EGFR: variants seen among roughly 807,000 people sequenced by gnomAD.
EGFR encodes avian erythroblastic leukemia viral (v-erb-b) oncogene homolog.
In EGFR, 58 loss-of-function variants were observed where a neutral mutation model predicts 143.0. That is an observed-to-expected ratio of 0.41 (90% CI 0.33 to 0.50). The LOEUF (loss-of-function observed/expected upper bound fraction) is 0.50. Ranked by LOEUF, EGFR falls within the 20% of genes least tolerant of loss-of-function variation. EGFR has a pLI of 0.39. For missense variants in EGFR, 1,307 were observed against 1,579.0 expected (o/e 0.83, Z 2.92); for synonymous variants, 613 against 594.4 (o/e 1.03, Z -0.45).
intron 1 of EGFR, among the ~76,000 whole-genome samples, chr7:55,098,860 A>G (rs1562712608): frequency 6.6e-6 from 1 of 152,132 alleles, no homozygotes; most frequent in Non-Finnish European, 1.5e-5. Context: ...AAACCCTAAA[A>G]GGTGTCCAGT....
intron 27 of EGFR, among the ~76,000 whole-genome samples, chr7:55,204,984 T>TACACATACACAC (rs1156730288): frequency 6.6e-6 from 1 of 151,506 alleles, no homozygotes; most frequent in Non-Finnish European, 1.5e-5. Flanking sequence ...TATACATGCA[T>TACACATACACAC]ACACATACAC....
intron 17 of EGFR, among the ~76,000 whole-genome samples, chr7:55,173,446 G>A (rs939125433): frequency 6.6e-6 from 1 of 152,226 alleles, no homozygotes; most frequent in Non-Finnish European, 1.5e-5. Context: ...TGGCGAAGGC[G>A]AGAGATTCCT....
At chr7:55,204,725 CCA>C (rs1214771811) in intron 27 of EGFR, among the ~76,000 whole-genome samples, 1 of 142,890 alleles carries the variant, frequency 7.0e-6, no homozygotes, top group African/African-American at 2.6e-5. Flanking sequence ...CACACCCACA[CCA>C]CACACACACA....
rs1262811822 is a variant in EGFR at position 55,210,285 on chromosome 7, T to C, written c.*4668T>C. 2 of 152,238 alleles carry C rather than the reference T, an allele frequency of 1.3e-5. No individual in the cohort carries two copies. Among genetic ancestry groups the C allele is most frequent in the African/African-American group, 4.8e-5 (2 of 41,458 alleles). 9.4% of individuals were successfully genotyped at this position (152,238 alleles called of 1,614,324 possible). On this transcript the variant is annotated 3_prime_UTR_variant, in exon 28 of 28. Transcript: ENST00000275493. ...TGCATTTACCAGTATAAACTAGACATGTCTGGAGAGCCTAATAATGTTCAG... is the reference window on the plus strand; with the variant it reads ...TGCATTTACCAGTATAAACTAGACACGTCTGGAGAGCCTAATAATGTTCAG...
chr7:55,024,797 C>T (rs560150155), intron 1 of EGFR, among the ~76,000 whole-genome samples: 4 of 152,234 alleles, frequency 2.6e-5, no homozygotes. Context: ...TGGAAGTCAA[C>T]TGGGGAAAGA....
chr7:55,191,824 G>A lies in EGFR; in HGVS notation c.2575G>A (p.Ala859Thr). The A allele has an allele frequency of 1.2e-6, 2 of 1,614,078 alleles. No individual in the cohort carries two copies. Among genetic ancestry groups the A allele is most frequent in the South Asian group, 1.1e-5 (1 of 91,082 alleles). The change falls in exon 21 of 28, where the codon GCC (alanine) becomes ACC (threonine). Residue 859 changes from alanine (A) to threonine (T), a missense_variant. Ala to Thr is a moderately conservative substitution (Grantham distance 58). Coordinates refer to ENST00000275493, the MANE Select transcript of EGFR (RefSeq NM_005228.5). ...QHVKITDFGL[A>T]KLLGAEEKEY... ...TGTCAAGATCACAGATTTTGGGCTG[G>A]CCAAACTGCTGGGTGCGGAAGAGAA...
chr7:55,019,912 A>T (rs1371352358), intron 1 of EGFR, among the ~76,000 whole-genome samples: 1 of 152,048 alleles, frequency 6.6e-6, no homozygotes, highest in African/African-American at 2.4e-5. Context: ...GCTTTCTGAG[A>T]GGACCTCCCC....
intron 16 of EGFR, 86 bp from the exon 17 acceptor site, chr7:55,172,897 C>G (rs2128952224): frequency 6.2e-7 from 1 of 1,612,456 alleles, no homozygotes. Context: ...TGTCAGTGCA[C>G]TGAAACATGC....
chr7:55,124,388 C>T (rs1793396419), intron 1 of EGFR, among the ~76,000 whole-genome samples: 1 of 152,174 alleles, frequency 6.6e-6, no homozygotes, highest in South Asian at 2.1e-4. Context: ...TGGAGACTTG[C>T]TTAACTCAGT....
chr7:55,099,683 G>A (rs1037150080), intron 1 of EGFR, among the ~76,000 whole-genome samples: 2 of 152,180 alleles, frequency 1.3e-5, no homozygotes, highest in Admixed American at 6.5e-5. Flanking sequence ...GCCTGGCTGG[G>A]AGCTGCACAG....
intron 13 of EGFR, among the ~76,000 whole-genome samples, chr7:55,163,376 AATT>A (rs1250098531): frequency 1.3e-5 from 2 of 152,146 alleles, no homozygotes; most frequent in Non-Finnish European, 2.9e-5. Flanking sequence ...CTTAATCTAA[AATT>A]ATCATTTTTC....
intron 1 of EGFR, among the ~76,000 whole-genome samples, chr7:55,139,018 A>G (rs1243012788): frequency 6.6e-6 from 1 of 152,226 alleles, no homozygotes; most frequent in African/African-American, 2.4e-5. Flanking sequence ...CATGAATGGC[A>G]TTAATCCATT....
chr7:55,110,944 T>A (rs1472188240), intron 1 of EGFR, among the ~76,000 whole-genome samples: 5 of 152,220 alleles, frequency 3.3e-5, no homozygotes, highest in African/African-American at 1.2e-4. Flanking sequence ...CAGAAAAGCT[T>A]CCTTCCAGCG....
chr7:55,172,839 C>G (rs1156346714), intron 16 of EGFR, 144 bp from the exon 17 acceptor site: 2 of 1,575,566 alleles, frequency 1.3e-6, no homozygotes, highest in East Asian at 2.3e-5. Context: ...GTTTTTTCTC[C>G]TTTTAGAAGC....
chr7:55,182,500 A>T (rs1470727542), intron 20 of EGFR: 1 of 152,358 alleles, frequency 6.6e-6, no homozygotes, highest in African/African-American at 2.4e-5. Context: ...AAACAAAAAC[A>T]TCTGGAGCGC....
At position 55,208,550 on chromosome 7, in the gene EGFR, A is replaced by G. The variant is rs533043796; in HGVS notation, c.*2933A>G. ...CGCCAGCCTTCGTGCATCTTCTTGC[A>G]TCATCTCTAAGGAGCTCCTCTAATT... On this transcript the variant is annotated 3_prime_UTR_variant, in exon 28 of 28. Coordinates refer to ENST00000275493, the MANE Select transcript of EGFR (RefSeq NM_005228.5). 6.6e-6 allele frequency: 1 copy of G among 152,344 alleles called. No individual in the cohort carries two copies. The highest frequency in any genetic ancestry group is 1.9e-4 in the East Asian group (1 of 5,174). The allele number at this position is 152,344 out of a possible 1,614,324, so 9.4% of individuals were successfully genotyped here. A position where few individuals can be genotyped will look rare whatever the true frequency, so the allele number is the denominator to read the frequency against.
At chr7:55,025,812 G>A (rs189567331) in intron 1 of EGFR, among the ~76,000 whole-genome samples, 2 of 152,300 alleles carry the variant, frequency 1.3e-5, no homozygotes, top group East Asian at 3.9e-4. Flanking sequence ...CAGCTGATTA[G>A]TTGCAGTTAT....
chr7:55,156,045 A>T, intron 8 of EGFR, 99 bp downstream of exon 8: 1 of 844,230 alleles, frequency 1.2e-6, no homozygotes, highest in Non-Finnish European at 2.0e-6. Flanking sequence ...CTTCTCATTA[A>T]AAAACAACTA....
At chr7:55,035,578 G>T (rs1268247112) in intron 1 of EGFR, among the ~76,000 whole-genome samples, 2 of 151,270 alleles carry the variant, frequency 1.3e-5, no homozygotes, top group Non-Finnish European at 2.9e-5. Flanking sequence ...CTATCTACTA[G>T]GGAGACTGAG....
Sources: gnomAD v4.1 joint callset for allele counts (sites outside exome capture counted in the v4.1 genomes callset) on GRCh38, gnomAD v4.1.1 for gene constraint, MANE v1.5 for transcripts, NCBI Gene and HGNC (gene_info 2026-07-23, HGNC 2026-07-21) for gene names.